The following SND1 variants were observed in gnomAD, a reference collection of about 807,000 sequenced individuals.
SND1 encodes the protein staphylococcal nuclease and tudor domain containing 1.
A neutral mutation model predicts 121.7 loss-of-function variants in SND1; 38 were observed. The ratio of observed to expected loss-of-function variants is 0.31; its 90% CI spans 0.24 to 0.41. The LOEUF is 0.41. SND1 is among the 10% of genes least tolerant of loss of function. SND1 has a pLI of 1.00. For missense variants in SND1, 868 were observed against 1,184.6 expected (o/e 0.73, Z 3.92); for synonymous variants, 401 against 447.4 (o/e 0.90, Z 1.31).
At chr7:127,754,603 A>T (rs545180126) in intron 10 of SND1, among the ~76,000 whole-genome samples, 1 of 152,326 alleles carries the variant, frequency 6.6e-6, no homozygotes, top group South Asian at 2.1e-4. Flanking sequence ...CTGTGATTTC[A>T]CTGGCCACTC....
intron 9 of SND1, among the ~76,000 whole-genome samples, chr7:127,709,966 CTA>C (rs2116360746): frequency 6.6e-6 from 1 of 151,796 alleles, no homozygotes; most frequent in Admixed American, 6.6e-5. Context: ...ACATGAAACA[CTA>C]TGACTTGGCC....
rs1191415543 is a variant in SND1 at position 127,977,187 on chromosome 7, C to T, written c.1670-13760C>T. ...TGCACACTCCACCACCCCCATTGGA[C>T]GTTTTTAATTAAATCAACTAGAAAG... On this transcript the variant is annotated intron_variant, in intron 15 of 23. Transcript: ENST00000354725. 7.2e-5 allele frequency among the ~76,000 whole-genome samples: 11 copies of T among 152,072 alleles called. No individual in the cohort carries two copies. In the East Asian group the frequency reaches 9.6e-4, roughly 13 times the overall value.
chr7:128,035,056 G>A (rs549627871), intron 16 of SND1, among the ~76,000 whole-genome samples: 2 of 152,294 alleles, frequency 1.3e-5, no homozygotes, highest in Admixed American at 6.5e-5. Context: ...CTGTGATAAC[G>A]CCAGAGAGAG....
chr7:127,674,051 C>G (rs1795573365), intron 1 of SND1, among the ~76,000 whole-genome samples: 1 of 151,592 alleles, frequency 6.6e-6, no homozygotes, highest in Non-Finnish European at 1.5e-5. Context: ...TGCCTGCCTC[C>G]CTGTCTCCCT....
At chr7:127,872,985 C>A (rs1211692241) in intron 12 of SND1, among the ~76,000 whole-genome samples, 1 of 152,140 alleles carries the variant, frequency 6.6e-6, no homozygotes, top group Non-Finnish European at 1.5e-5. Context: ...GATCTCTTTG[C>A]TGGAATATAG....
At chr7:127,677,550 G>A (rs991886063) in intron 1 of SND1, among the ~76,000 whole-genome samples, 2 of 152,110 alleles carry the variant, frequency 1.3e-5, no homozygotes, top group South Asian at 4.1e-4. Context: ...TTATATCAGG[G>A]GTTGGCAAAC....
intron 16 of SND1, among the ~76,000 whole-genome samples, chr7:128,020,095 G>T (rs1161586731): frequency 1.3e-5 from 2 of 152,226 alleles, no homozygotes; most frequent in Non-Finnish European, 2.9e-5. Context: ...GAAGGCCATG[G>T]AAGCAACACA....
At chr7:128,069,456 C>T (rs529388717) in intron 16 of SND1, among the ~76,000 whole-genome samples, 1 of 152,270 alleles carries the variant, frequency 6.6e-6, no homozygotes, top group East Asian at 1.9e-4. Flanking sequence ...AAATTCACAG[C>T]TAGGACTGGG....
intron 2 of SND1, among the ~76,000 whole-genome samples, chr7:127,691,833 TG>T (rs1304811785): frequency 6.6e-6 from 1 of 150,804 alleles, no homozygotes; most frequent in East Asian, 2.0e-4. Context: ...TTCACCATGT[TG>T]GCCAGGCTGG....
intron 22 of SND1, among the ~76,000 whole-genome samples, chr7:128,091,183 AGGGAGTCAGGAAT>A (rs1005933563): frequency 5.9e-5 from 9 of 152,318 alleles, no homozygotes; most frequent in African/African-American, 2.2e-4. Flanking sequence ...AGTGGAATCC[AGGGAGTCAGGAAT>A]GGGAGGGGAA....
rs755829210 is a variant in SND1 at position 127,984,050 on chromosome 7, G to A, written c.1670-6897G>A. On this transcript the variant is annotated intron_variant, in intron 15 of 23. Coordinates refer to ENST00000354725, the MANE Select transcript of SND1 (RefSeq NM_014390.4). ...CGCTTAGCTGAGCTGTACAAATTTA[G>A]CACCTTTTATCTTCCCTTTAAAGGC... Among the ~76,000 whole-genome samples the A allele has an allele frequency of 2.6e-5, 4 of 152,204 alleles. No individual in the cohort carries two copies. In the South Asian group the frequency reaches 8.3e-4, roughly 32 times the overall value.
chr7:127,721,925 T>A (rs1796502212), intron 10 of SND1, among the ~76,000 whole-genome samples: 1 of 152,216 alleles, frequency 6.6e-6, no homozygotes, highest in Non-Finnish European at 1.5e-5. Context: ...TTGGATCTTT[T>A]GGCAGATAGG....
intron 10 of SND1, among the ~76,000 whole-genome samples, chr7:127,793,395 C>T (rs979300310): frequency 3.9e-5 from 6 of 152,008 alleles, no homozygotes; most frequent in African/African-American, 7.3e-5. Context: ...TTTGCTATTG[C>T]GAGGATTAGA....
chr7:127,953,538 T>A (rs1158196448), intron 15 of SND1, among the ~76,000 whole-genome samples: 1 of 152,210 alleles, frequency 6.6e-6, no homozygotes, highest in Non-Finnish European at 1.5e-5. Context: ...CTGGACCAGT[T>A]AGTCTCTGTG....
At chr7:127,731,699 G>A (rs10229187) in intron 10 of SND1, among the ~76,000 whole-genome samples, 143,786 of 152,280 alleles carry the variant, frequency 0.94, 68,326 homozygotes, top group Non-Finnish European at 1. Flanking sequence ...GAGTTCAGGA[G>A]AACAGAAGCT....
At chr7:127,806,714 G>T (rs1217614248) in intron 10 of SND1, among the ~76,000 whole-genome samples, 1 of 152,124 alleles carries the variant, frequency 6.6e-6, no homozygotes, top group Admixed American at 6.5e-5. Flanking sequence ...CCAGCACTTT[G>T]GGTGGGAGGC....
At chr7:127,759,174 A>G (rs185588889) in intron 10 of SND1, among the ~76,000 whole-genome samples, 27 of 152,336 alleles carry the variant, frequency 1.8e-4, no homozygotes, top group Non-Finnish European at 3.7e-4. Context: ...AAATGAATCG[A>G]TAAGAATCGT....
chr7:127,720,462 C>T (rs193072820), intron 9 of SND1, among the ~76,000 whole-genome samples: 6 of 152,302 alleles, frequency 3.9e-5, no homozygotes, highest in Non-Finnish European at 5.9e-5. Flanking sequence ...CTGTATTATG[C>T]GTTCTAGCTA....
In SND1 at chr7:127,995,195, T is replaced by TA; in HGVS notation, c.1779+4142dup. 2.0e-5 allele frequency among the ~76,000 whole-genome samples: 3 copies of TA among 152,366 alleles called. No homozygotes were observed. In the East Asian group the frequency reaches 5.8e-4, roughly 29 times the overall value. On this transcript the variant is annotated intron_variant, in intron 16 of 23. Coordinates refer to ENST00000354725, the MANE Select transcript of SND1 (RefSeq NM_014390.4). ...TGCATATGGTATGCTGAATTGGGTTTAAATGGCTTGTAATAGCCCTGAAAA... is the reference window on the plus strand; with the variant it reads ...TGCATATGGTATGCTGAATTGGGTTTAAAATGGCTTGTAATAGCCCTGAAAA...
Sources: allele counts gnomAD v4.1 joint callset (sites outside exome capture counted in the v4.1 genomes callset), GRCh38; gene constraint gnomAD v4.1.1; transcripts MANE v1.5; gene names NCBI Gene and HGNC (gene_info 2026-07-23, HGNC 2026-07-21).